Variants in CDC42 observed in about 807,000 individuals in gnomAD.
CDC42 encodes cell division control protein 42 homolog.
Under a neutral mutation model 20.8 loss-of-function variants are expected in CDC42, and 1 was observed. The ratio of observed to expected loss-of-function variants is 0.05; its 90% CI spans 0.02 to 0.23. The LOEUF (loss-of-function observed/expected upper bound fraction) is 0.23, where lower values mean the gene tolerates loss of function less well. Ranked by LOEUF, CDC42 falls within the 10% of genes least tolerant of loss-of-function variation. CDC42 has a pLI of 1.00. For synonymous variants in CDC42, 72 were observed against 84.8 expected (o/e 0.85, Z 0.83); for missense variants, 49 against 227.9 (o/e 0.21, Z 5.05).
At chr1:22,058,485 G>GTTT (rs5772984) in intron 1 of CDC42, among the ~76,000 whole-genome samples, 28 of 146,192 alleles carry the variant, frequency 1.9e-4, no homozygotes, top group African/African-American at 2.5e-4. Context: ...GTTATTTAAA[G>GTTT]TTTTTTTTTT....
intron 1 of CDC42, among the ~76,000 whole-genome samples, chr1:22,058,806 G>A (rs1645331566): frequency 6.6e-6 from 1 of 151,554 alleles, no homozygotes; most frequent in African/African-American, 2.4e-5. Context: ...GCCGAATTAC[G>A]TATTTTTTAA....
At chr1:22,077,252 T>C (rs1645562229) in intron 1 of CDC42, among the ~76,000 whole-genome samples, 1 of 152,222 alleles carries the variant, frequency 6.6e-6, no homozygotes, top group Admixed American at 6.5e-5. Context: ...TCATGTTCTT[T>C]TGTTTCGTGA....
chr1:22,060,355 AG>A (rs1370003107), intron 1 of CDC42, among the ~76,000 whole-genome samples: 1 of 152,008 alleles, frequency 6.6e-6, no homozygotes, highest in African/African-American at 2.4e-5. Context: ...AAAAAAAAAA[AG>A]ATTATTGCAA....
intron 1 of CDC42, among the ~76,000 whole-genome samples, chr1:22,070,749 C>T (rs1645480721): frequency 6.6e-6 from 1 of 152,068 alleles, no homozygotes; most frequent in Non-Finnish European, 1.5e-5. Context: ...CAGGCGTGAG[C>T]CACCACGCCT....
At position 22,094,429 on chromosome 1, in the gene CDC42, C is replaced by T. The variant is rs1645743125; in HGVS notation, c.*2912C>T. Among the ~76,000 whole-genome samples, 2 of 142,012 alleles carry T rather than the reference C, an allele frequency of 1.4e-5. No individual in the cohort carries two copies. The highest frequency in any genetic ancestry group is 2.7e-5 in the African/African-American group (1 of 36,762). The allele number at this position is 142,012 out of a possible 152,430, so 93.2% of individuals were successfully genotyped here. A position where few individuals can be genotyped will look rare whatever the true frequency, so the allele number is the denominator to read the frequency against. On this transcript the variant is annotated 3_prime_UTR_variant, in exon 6 of 6. Transcript: ENST00000656825. ...TCTCCTGCCTCAGCCTCCCGAGTAG[C>T]TGGGACTACCGGCGCCCGCTACCAC...
intron 1 of CDC42, chr1:22,053,266 G>A (rs1381444373): frequency 6.6e-6 from 1 of 151,548 alleles, no homozygotes; most frequent in Non-Finnish European, 1.5e-5. Flanking sequence ...GGCGGGGGTG[G>A]GGGGGCGGGG....
At chr1:22,080,609 CT>C (rs3216547) in intron 2 of CDC42, among the ~76,000 whole-genome samples, 23,520 of 152,114 alleles carry the variant, frequency 0.15, 2,655 homozygotes, top group East Asian at 0.5. Flanking sequence ...AAAATTTTTA[CT>C]GTAAATTGAC....
intron 2 of CDC42, 110 bp from the exon 3 acceptor site, chr1:22,081,612 A>G (rs1645608387): frequency 8.8e-6 from 6 of 683,402 alleles, no homozygotes; most frequent in African/African-American, 5.3e-5. Context: ...TGGATGGACT[A>G]GGGGACGATT....
At chr1:22,054,034 A>G (rs900474877) in intron 1 of CDC42, among the ~76,000 whole-genome samples, 4 of 152,096 alleles carry the variant, frequency 2.6e-5, no homozygotes, top group South Asian at 2.1e-4. Flanking sequence ...CATGCTGGGA[A>G]TCTCCCTAGG....
rs202069477 is a variant in CDC42, at chr1:22,100,027, TTC to T, written c.*8512_*8513del. Among the ~76,000 whole-genome samples the T allele has an allele frequency of 0.037, 853 of 23,074 alleles. 85 individuals are homozygous for T. The highest frequency in any genetic ancestry group is 0.069 in the South Asian group (73 of 1,056). The allele number at this position is 23,074 out of a possible 152,430, so 15.1% of individuals were successfully genotyped here. Reference sequence around the variant, plus strand: ...CTTTTTTTCTTTCTTCTTCTTCTTCTTCTTTTTTTTTTTTTTTGTATAATAGG... The same window carrying T: ...CTTTTTTTCTTTCTTCTTCTTCTTCTTTTTTTTTTTTTTTTGTATAATAGG... On this transcript the variant is annotated 3_prime_UTR_variant, in exon 6 of 6. Transcript: ENST00000656825.
intron 1 of CDC42, among the ~76,000 whole-genome samples, chr1:22,054,465 T>A (rs566760527): frequency 5.3e-5 from 8 of 152,210 alleles, no homozygotes; most frequent in African/African-American, 1.9e-4. Flanking sequence ...GAGATCACAA[T>A]TTTTGTTCCC....
intron 1 of CDC42, among the ~76,000 whole-genome samples, chr1:22,061,532 C>CTTT (rs555957608): frequency 1.9e-4 from 7 of 36,232 alleles, no homozygotes; most frequent in Non-Finnish European, 2.1e-4. Context: ...ATGTTTCTTT[C>CTTT]TTTTTTTTTT....
chr1:22,062,511 G>A (rs1472541396), intron 1 of CDC42, among the ~76,000 whole-genome samples: 2 of 151,940 alleles, frequency 1.3e-5, no homozygotes, highest in Non-Finnish European at 2.9e-5. Flanking sequence ...GTAGACTTAC[G>A]ACCAAATTAC....
chr1:22,081,316 A>G (rs1285191757), intron 2 of CDC42, among the ~76,000 whole-genome samples: 4 of 152,328 alleles, frequency 2.6e-5, no homozygotes, highest in South Asian at 4.1e-4. Flanking sequence ...TCATGGATCT[A>G]GGATATTTTA....
rs1645741294 is a variant in CDC42, at chr1:22,094,294, A to ATTTTTTTTTTTTTCTTT, written c.*2790_*2791insCTTTTTTTTTTTTTTTT. Among the ~76,000 whole-genome samples, 1 of 38,292 alleles carries ATTTTTTTTTTTTTCTTT rather than the reference A, an allele frequency of 2.6e-5. No individual in the cohort carries two copies. The highest frequency in any genetic ancestry group is 4.2e-5 in the Non-Finnish European group (1 of 23,610). 25.1% of individuals were successfully genotyped at this position (38,292 alleles called of 152,430 possible). On this transcript the variant is annotated 3_prime_UTR_variant, in exon 6 of 6. Coordinates refer to ENST00000656825, the MANE Select transcript of CDC42 (RefSeq NM_001791.4). ...GTTTTACTGAACATCCTAGAAATAG[A>ATTTTTTTTTTTTTCTTT]TTTTTTTTTTTTTTTTTTTTTGAGA...
chr1:22,097,120 G>A lies in CDC42; in HGVS notation c.*5603G>A, dbSNP rs892974659. On this transcript the variant is annotated 3_prime_UTR_variant, in exon 6 of 6. Transcript: ENST00000656825. ...CATCTTGCACATGGTGAGGAAAGGTGAGGACATTTAGATGACCTTTGCCTG... is the reference window on the plus strand; with the variant it reads ...CATCTTGCACATGGTGAGGAAAGGTAAGGACATTTAGATGACCTTTGCCTG... Among the ~76,000 whole-genome samples, 2 of 152,248 alleles carry A rather than the reference G, an allele frequency of 1.3e-5. No homozygotes were observed. Among genetic ancestry groups the A allele is most frequent in the Non-Finnish European group, 2.9e-5 (2 of 68,054 alleles).
chr1:22,069,828 G>A (rs1645465463), intron 1 of CDC42, among the ~76,000 whole-genome samples: 1 of 147,538 alleles, frequency 6.8e-6, no homozygotes, highest in Non-Finnish European at 1.5e-5. Context: ...GCATCTCCCT[G>A]TGTTGCCCAG....
chr1:22,075,395 G>A (rs1160563332), intron 1 of CDC42, among the ~76,000 whole-genome samples: 1 of 152,114 alleles, frequency 6.6e-6, no homozygotes, highest in African/African-American at 2.4e-5. Context: ...ATTGATTCCA[G>A]AACTCTCCAA....
chr1:22,082,687 G>T (rs772780001), intron 3 of CDC42, among the ~76,000 whole-genome samples: 12 of 152,106 alleles, frequency 7.9e-5, no homozygotes, highest in Admixed American at 3.9e-4. Flanking sequence ...GTACCACGAG[G>T]AACTATTTGG....
Sources: allele counts gnomAD v4.1 joint callset (sites outside exome capture counted in the v4.1 genomes callset), GRCh38; gene constraint gnomAD v4.1.1; transcripts MANE v1.5; gene names NCBI Gene and HGNC (gene_info 2026-07-23, HGNC 2026-07-21).